Variants in TRIM3 observed in about 807,000 individuals in gnomAD.
The protein encoded by TRIM3 is tripartite motif-containing protein 3.
In TRIM3, 13 loss-of-function variants were observed where a neutral mutation model predicts 66.6. The ratio of observed to expected loss-of-function variants is 0.20; its 90% confidence interval spans 0.13 to 0.31. The LOEUF is 0.31. Ranked by LOEUF, TRIM3 falls within the 10% of genes least tolerant of loss-of-function variation. The probability of loss-of-function intolerance (pLI) is 1.00; values close to 1 mark genes in which losing one functional copy is unlikely to be tolerated. For synonymous variants in TRIM3, 406 were observed against 411.7 expected, an observed-to-expected ratio of 0.99 and a Z score of 0.17; for missense variants, 711 against 1,020.4, an observed-to-expected ratio of 0.70 and a Z score of 4.13.
intron 1 of TRIM3, among the ~76,000 whole-genome samples, chr11:6,470,216 G>A (rs1247407451): frequency 2.6e-5 from 4 of 152,302 alleles, no homozygotes; most frequent in African/African-American, 9.6e-5. Context: ...TAGGAGAATA[G>A]CAAAGACAGG....
chr11:6,467,028 T>C (rs1361429068), intron 1 of TRIM3, among the ~76,000 whole-genome samples: 1 of 152,210 alleles, frequency 6.6e-6, no homozygotes. Flanking sequence ...AGGAATTCAA[T>C]AAATATTTAC....
intron 2 of TRIM3, among the ~76,000 whole-genome samples, chr11:6,464,765 T>C (rs985981965): frequency 7.9e-5 from 12 of 152,130 alleles, no homozygotes; most frequent in Non-Finnish European, 1.3e-4. Flanking sequence ...GGTAGGCGGA[T>C]TGCCTGAGTT....
rs1422871686 is a variant in TRIM3 at position 6,457,239 on chromosome 11, G to C, written c.696+57C>G. 6.3e-7 allele frequency: 1 copy of C among 1,588,628 alleles called. No individual in the cohort carries two copies. The highest frequency in any genetic ancestry group is 2.2e-5 in the East Asian group (1 of 44,582). ...TGGTGTGGAAGACAGAGGAACAATG[G>C]AGGCAATAACACCATCACAATGGAC... On this transcript the variant is annotated intron_variant, in intron 5 of 11. Coordinates refer to ENST00000345851, the MANE Select transcript of TRIM3 (RefSeq NM_033278.4). The surrounding 1 kb of genome is among the most constrained non-coding windows in gnomAD (Gnocchi z 4.5).
At chr11:6,451,513 C>G (rs1590814438) in intron 7 of TRIM3, 75 bp from the exon 8 acceptor site, 1 of 1,518,940 alleles carries the variant, frequency 6.6e-7, no homozygotes, top group East Asian at 2.3e-5. Context: ...GGAGTAGGAT[C>G]CTGAGGGAGG....
chr11:6,456,766 G>T lies in TRIM3; in HGVS notation c.960C>A (p.Ala320=). The T allele has an allele frequency of 6.2e-7, 1 of 1,611,886 alleles. No individual in the cohort carries two copies. Among genetic ancestry groups the T allele is most frequent in the Non-Finnish European group, 8.5e-7 (1 of 1,179,918 alleles). ...CCGTGGCCACCGTTTCGTGTGCAGT[G>T]GCGCTCGTGGTGAGCAGTGCGCCCA... The part of the protein sequence containing the change: ...LNLGALLTTS[A]TAHETVATGE... Residue 320 remains alanine (A), a synonymous_variant, in exon 6 of 12, where the codon GCC becomes GCA. Transcript: ENST00000345851. The surrounding 1 kb of genome is among the most constrained non-coding windows in gnomAD (Gnocchi z 6.4).
intron 8 of TRIM3, 105 bp downstream of exon 8, chr11:6,451,166 G>C: frequency 1.3e-6 from 2 of 1,582,254 alleles, no homozygotes; most frequent in South Asian, 2.3e-5. Flanking sequence ...ACAGGGAGTA[G>C]GAGGAGGTAG....
intron 1 of TRIM3, among the ~76,000 whole-genome samples, chr11:6,472,733 A>T (rs1589842687): frequency 6.6e-6 from 1 of 152,320 alleles, no homozygotes; most frequent in East Asian, 1.9e-4. Flanking sequence ...TAACAAGACA[A>T]GTGAATAAAG....
At chr11:6,473,639 C>T (rs1802305087) in intron 1 of TRIM3, among the ~76,000 whole-genome samples, 152 bp downstream of exon 1, 1 of 152,096 alleles carries the variant, frequency 6.6e-6, no homozygotes, top group Admixed American at 6.5e-5. Flanking sequence ...AAGAATCCCC[C>T]TGCTGCTCTC....
chr11:6,458,065 C>A lies in TRIM3; in HGVS notation c.363G>T (p.Lys121Asn). The change falls in exon 3 of 12, where the codon AAG (lysine) becomes AAT (asparagine). Residue 121 changes from lysine to asparagine, a missense_variant and splice_region_variant. By Grantham distance (94) the Lys-to-Asn change is moderately conservative. Around this residue, in one of 3 missense-constraint regions of TRIM3, gnomAD observed 149 missense variants for 240.3 expected, o/e 0.62. Coordinates refer to ENST00000345851, the MANE Select transcript of TRIM3 (RefSeq NM_033278.4). The surrounding 1 kb of genome is among the most constrained non-coding windows in gnomAD (Gnocchi z 6.2). ...RPLSCPNHEG[K>N]TMEFYCEACE... is the part of the protein sequence containing the mutation. Reference sequence around the variant, plus strand: ...CTCACTGGGCCTCGCTTGGGCCCACCTTGCCTTCATGGTTGGGGCAGGAGA... The same window carrying A: ...CTCACTGGGCCTCGCTTGGGCCCACATTGCCTTCATGGTTGGGGCAGGAGA... 6.2e-7 allele frequency: 1 copy of A among 1,600,556 alleles called. No homozygotes were observed.
intron 2 of TRIM3, among the ~76,000 whole-genome samples, chr11:6,460,923 T>TTTTTTTTTG (rs1850207655): frequency 1.0e-5 from 1 of 100,106 alleles, no homozygotes; most frequent in African/African-American, 5.2e-5. Context: ...TTTTTTTTTT[T>TTTTTTTTTG]GAGACGGAGT....
In TRIM3 at chr11:6,456,169, C is replaced by A. The variant is rs775651527; in HGVS notation, c.1436G>T (p.Arg479Leu). ...EDELVFRVGSRGREKGEFTNL... is the reference protein window; with the variant it reads ...EDELVFRVGSLGREKGEFTNL... ...GGTGAATTCACCTTTCTCCCTTCCACGACTGCCTGTGGGAAGGGACAGGAG... is the reference window on the plus strand; with the variant it reads ...GGTGAATTCACCTTTCTCCCTTCCAAGACTGCCTGTGGGAAGGGACAGGAG... The change falls in exon 7 of 12, where the codon CGT becomes CTT. Residue 479 changes from arginine to leucine, a missense_variant. This residue lies in a region of TRIM3 where 399 missense variants were observed against 458.1 expected (regional missense o/e 0.87). Coordinates refer to ENST00000345851, the MANE Select transcript of TRIM3 (RefSeq NM_033278.4). The surrounding 1 kb of genome is among the most constrained non-coding windows in gnomAD (Gnocchi z 6.4). The A allele has an allele frequency of 1.2e-6, 2 of 1,613,992 alleles. No homozygotes were observed. Among genetic ancestry groups the A allele is most frequent in the African/African-American group, 2.7e-5 (2 of 74,888 alleles).
At chr11:6,472,909 A>G (rs895386842) in intron 1 of TRIM3, among the ~76,000 whole-genome samples, 9 of 152,110 alleles carry the variant, frequency 5.9e-5, no homozygotes, top group Non-Finnish European at 7.4e-5. Context: ...TAGGGGATGA[A>G]TGGGCACCAG....
In TRIM3 at chr11:6,465,678, G is replaced by T. The variant is rs763650093; in HGVS notation, c.18C>A (p.Asp6Glu). The T allele has an allele frequency of 6.2e-7, 1 of 1,613,920 alleles. No homozygotes were observed. The highest frequency in any genetic ancestry group is 1.3e-5 in the African/African-American group (1 of 74,902). ...TTGGCTGGACCTCTGGGCCAGGGCT[G>T]TCCTCCCTCTTTGCCATGGCGCCCA... MAKRE[D>E]SPGPEVQPMD... Residue 6 changes from aspartate (D) to glutamate (E), a missense_variant, in exon 2 of 12, where the codon GAC (aspartate) becomes GAA (glutamate). Transcript: ENST00000345851.
chr11:6,450,702 TA>T lies in TRIM3; in HGVS notation c.1871-82del, dbSNP rs1849684506. On this transcript the variant is annotated intron_variant, in intron 9 of 11. Transcript: ENST00000345851. The surrounding 1 kb of genome is among the most constrained non-coding windows in gnomAD (Gnocchi z 4.8). ...GAAGAGTATCTGGGAAGATAAAAGC[TA>T]GGGTGTTAGGAGAGGGGTGGGGTCT... The T allele has an allele frequency of 2.7e-6, 4 of 1,476,622 alleles. No homozygotes were observed. The Admixed American group carries it at 5.1e-5, about 19-fold the overall frequency. The allele number at this position is 1,476,622 out of a possible 1,614,324, so 91.5% of individuals were successfully genotyped here. A position where few individuals can be genotyped will look rare whatever the true frequency, so the allele number is the denominator to read the frequency against.
At chr11:6,466,798 C>T (rs1383554851) in intron 1 of TRIM3, among the ~76,000 whole-genome samples, 1 of 152,110 alleles carries the variant, frequency 6.6e-6, no homozygotes, top group Admixed American at 6.5e-5. Context: ...GGCTTGGGTG[C>T]TCTACCTCTG....
intron 7 of TRIM3, chr11:6,451,856 A>C (rs190773101): frequency 1.6e-4 from 28 of 173,072 alleles, no homozygotes. Context: ...CCAGGTGAAC[A>C]AAAGAAGGAA....
intron 2 of TRIM3, among the ~76,000 whole-genome samples, chr11:6,459,510 T>C (rs1404161655): frequency 6.6e-6 from 1 of 152,218 alleles, no homozygotes; most frequent in Non-Finnish European, 1.5e-5. Flanking sequence ...GCTTTCTGAT[T>C]ACGTTTCTGT....
intron 7 of TRIM3, among the ~76,000 whole-genome samples, chr11:6,454,567 C>A (rs1454197105): frequency 6.6e-6 from 1 of 152,090 alleles, no homozygotes; most frequent in African/African-American, 2.4e-5. Flanking sequence ...TGGAAAGGAG[C>A]TGGAAGGTGT....
Position 6,464,702 on chromosome 11 carries a change from A to G in TRIM3, c.131+863T>C, listed in dbSNP as rs188355556. On this transcript the variant is annotated intron_variant, in intron 2 of 11. Coordinates refer to ENST00000345851, the MANE Select transcript of TRIM3 (RefSeq NM_033278.4). ...TAAACTATTGTGTATCAGTTTTTAA[A>G]AAGAGTAAGCACGGTAGCTCACGCC... Among the ~76,000 whole-genome samples, 146 of 152,274 alleles carry G rather than the reference A, an allele frequency of 9.6e-4. 1 individual carries two copies. Among genetic ancestry groups the G allele is most frequent in the Admixed American group, 2.6e-3 (39 of 15,286 alleles).
Sources: gnomAD v4.1 joint callset for allele counts (sites outside exome capture counted in the v4.1 genomes callset) on GRCh38, gnomAD v4.1.1 for gene constraint, gnomAD v4.1.1 regional missense constraint, Gnocchi (gnomAD v3.1) non-coding constraint, MANE v1.5 for transcripts, NCBI Gene and HGNC (gene_info 2026-07-23, HGNC 2026-07-21) for gene names.